The following CNTN6 variants were observed in gnomAD, a reference collection of about 807,000 sequenced individuals.
CNTN6 encodes the protein contactin-6.
CNTN6 carries 137 observed loss-of-function variants against 122.8 expected under a neutral mutation model. The observed-to-expected ratio is 1.12, with a 90% confidence interval of 0.97 to 1.29. CNTN6 has a LOEUF of 1.29. Ranked by LOEUF, CNTN6 falls within the 50% of genes most tolerant of loss-of-function variation. The probability of loss-of-function intolerance (pLI) is 0.00; values close to 1 mark genes in which losing one functional copy is unlikely to be tolerated. For synonymous variants in CNTN6, 570 were observed against 426.0 expected, an observed-to-expected ratio of 1.34 and a Z score of -4.16; for missense variants, 1,634 against 1,223.4, an observed-to-expected ratio of 1.34 and a Z score of -5.01.
At chr3:1,308,450 C>T (rs1846485) in intron 7 of CNTN6, among the ~76,000 whole-genome samples, 41,520 of 151,780 alleles carry the variant, frequency 0.27, 8,693 homozygotes, top group African/African-American at 0.59. Flanking sequence ...AGAATGACAT[C>T]AGAAACCAAT....
At chr3:1,314,281 A>G (rs1575663766) in intron 7 of CNTN6, among the ~76,000 whole-genome samples, 1 of 152,072 alleles carries the variant, frequency 6.6e-6, no homozygotes, top group African/African-American at 2.4e-5. Context: ...AAATGTAGCA[A>G]AGGCATTCTT....
intron 11 of CNTN6, among the ~76,000 whole-genome samples, chr3:1,340,021 C>T (rs1397878610): frequency 2.0e-5 from 3 of 152,046 alleles, no homozygotes; most frequent in Non-Finnish European, 4.4e-5. Context: ...ATGTTTGATA[C>T]ATCATTTCGT....
intron 5 of CNTN6, among the ~76,000 whole-genome samples, chr3:1,280,538 C>T (rs150303519): frequency 0.043 from 5,626 of 131,078 alleles, 161 homozygotes; most frequent in Middle Eastern, 0.071. Context: ...GATCTTGGCT[C>T]ACTGCAACCT....
chr3:1,213,497 A>G (rs550252537), intron 2 of CNTN6, among the ~76,000 whole-genome samples: 1 of 152,112 alleles, frequency 6.6e-6, no homozygotes, highest in South Asian at 2.1e-4. Flanking sequence ...CTTTAATATA[A>G]CGCATTTTTA....
At chr3:1,298,708 G>C (rs1039048872) in intron 7 of CNTN6, among the ~76,000 whole-genome samples, 1 of 152,128 alleles carries the variant, frequency 6.6e-6, no homozygotes, top group Non-Finnish European at 1.5e-5. Flanking sequence ...ATGTTAATAT[G>C]CATGTGAGTT....
chr3:1,380,547 G>C (rs1057247728), intron 17 of CNTN6, among the ~76,000 whole-genome samples: 1 of 152,094 alleles, frequency 6.6e-6, no homozygotes, highest in African/African-American at 2.4e-5. Flanking sequence ...AGGTACACAG[G>C]ATAAAGCACT....
At chr3:1,271,740 G>A (rs114703298) in intron 4 of CNTN6, among the ~76,000 whole-genome samples, 1,601 of 152,214 alleles carry the variant, frequency 0.011, 30 homozygotes, top group African/African-American at 0.036. Context: ...TTACCCCTCC[G>A]CTAGCAATTT....
intron 9 of CNTN6, among the ~76,000 whole-genome samples, chr3:1,327,163 G>C (rs1213797618): frequency 6.6e-6 from 1 of 151,874 alleles, no homozygotes; most frequent in Non-Finnish European, 1.5e-5. Context: ...GGACGGTGGA[G>C]TATTCCAAAT....
rs866959899 is a variant in CNTN6, at chr3:1,266,018, G to T, written c.359-12395G>T. Among the ~76,000 whole-genome samples the T allele has an allele frequency of 6.0e-5, 9 of 149,556 alleles. No homozygotes were observed. In the South Asian group the frequency reaches 8.4e-4, roughly 14 times the overall value. ...AATACATAGTTATATAAAGTTAAAG[G>T]TGTTTTTTTTTTTGCATAACACCTA... is the stretch of plus-strand genomic sequence containing the variant. On this transcript the variant is annotated intron_variant, in intron 4 of 22. Coordinates refer to ENST00000446702, the MANE Select transcript of CNTN6 (RefSeq NM_001289080.2).
At chr3:1,218,732 TC>T (rs2094163146) in intron 2 of CNTN6, among the ~76,000 whole-genome samples, 1 of 151,984 alleles carries the variant, frequency 6.6e-6, no homozygotes, top group African/African-American at 2.4e-5. Context: ...ACGTATAAAA[TC>T]TACGCACACA....
At chr3:1,311,543 TGTC>T (rs964417812) in intron 7 of CNTN6, among the ~76,000 whole-genome samples, 5 of 147,034 alleles carry the variant, frequency 3.4e-5, no homozygotes, top group Admixed American at 6.8e-5. Flanking sequence ...TACATATAAA[TGTC>T]TATGTGTATA....
chr3:1,233,205 A>G (rs1450490096), intron 4 of CNTN6, among the ~76,000 whole-genome samples: 1 of 152,196 alleles, frequency 6.6e-6, no homozygotes, highest in African/African-American at 2.4e-5. Context: ...TACGGTGTTA[A>G]TTTATGGTTA....
chr3:1,262,962 A>G (rs1228778773), intron 4 of CNTN6, among the ~76,000 whole-genome samples: 2 of 152,144 alleles, frequency 1.3e-5, no homozygotes, highest in African/African-American at 4.8e-5. Context: ...AATTAAATCT[A>G]CATATCGTTT....
At chr3:1,343,122 T>A (rs561312189) in intron 11 of CNTN6, among the ~76,000 whole-genome samples, 1 of 152,312 alleles carries the variant, frequency 6.6e-6, no homozygotes, top group East Asian at 1.9e-4. Flanking sequence ...CTCTTCCTTA[T>A]GATTTTCTTA....
intron 10 of CNTN6, among the ~76,000 whole-genome samples, chr3:1,328,503 G>A (rs563689936): frequency 9.2e-5 from 14 of 151,712 alleles, no homozygotes; most frequent in Non-Finnish European, 1.6e-4. Flanking sequence ...CATTTATTAT[G>A]TACTGAGCTG....
At chr3:1,383,787 T>C (rs1361378565) in intron 19 of CNTN6, among the ~76,000 whole-genome samples, 1 of 152,230 alleles carries the variant, frequency 6.6e-6, no homozygotes, top group Non-Finnish European at 1.5e-5. Flanking sequence ...CACTCATATT[T>C]ATACCCACTT....
At chr3:1,127,790 AG>A in intron 1 of CNTN6, among the ~76,000 whole-genome samples, 1 of 152,010 alleles carries the variant, frequency 6.6e-6, no homozygotes, top group African/African-American at 2.4e-5. Flanking sequence ...CAAATTTTTC[AG>A]GCCTTTCATT....
At chr3:1,101,828 G>A (rs1198574142) in intron 1 of CNTN6, among the ~76,000 whole-genome samples, 1 of 152,154 alleles carries the variant, frequency 6.6e-6, no homozygotes, top group East Asian at 1.9e-4. Flanking sequence ...TATATTCTTT[G>A]GGAGTGGCAG....
At chr3:1,193,981 C>T (rs775637867) in intron 2 of CNTN6, among the ~76,000 whole-genome samples, 2 of 150,030 alleles carry the variant, frequency 1.3e-5, no homozygotes, top group Non-Finnish European at 2.9e-5. Context: ...TGTTTTTTTT[C>T]CCCAAAGCAT....
Sources: allele counts gnomAD v4.1 joint callset (sites outside exome capture counted in the v4.1 genomes callset), GRCh38; gene constraint gnomAD v4.1.1; transcripts MANE v1.5; gene names NCBI Gene and HGNC (gene_info 2026-07-23, HGNC 2026-07-21).